Variants in TRAP1 observed in about 807,000 individuals in gnomAD.
The protein encoded by TRAP1 is TNF receptor associated protein 1.
TRAP1 carries 102 observed loss-of-function variants against 89.1 expected under a neutral mutation model. The observed-to-expected ratio is 1.15, with a 90% CI of 0.98 to 1.35. TRAP1 has a LOEUF of 1.35. TRAP1 is among the 40% of genes most tolerant of loss of function. The probability of loss-of-function intolerance (pLI) is 0.00; values close to 1 mark genes in which losing one functional copy is unlikely to be tolerated. For missense variants in TRAP1, 1,256 were observed against 945.3 expected (o/e 1.33, Z -4.31); for synonymous variants, 508 against 388.0 (o/e 1.31, Z -3.64).
At chr16:3,709,508 G>A (rs908968835) in intron 1 of TRAP1, among the ~76,000 whole-genome samples, 1 of 152,192 alleles carries the variant, frequency 6.6e-6, no homozygotes, top group African/African-American at 2.4e-5. Flanking sequence ...CGCCATGAGA[G>A]GGTTACATAA....
chr16:3,682,952 C>T (rs578080596), intron 4 of TRAP1, among the ~76,000 whole-genome samples: 69 of 151,962 alleles, frequency 4.5e-4, no homozygotes, highest in African/African-American at 1.4e-3. Context: ...GCAGATCACA[C>T]GAGGCCGGGA....
Sources: allele counts gnomAD v4.1 joint callset (sites outside exome capture counted in the v4.1 genomes callset), GRCh38; gene constraint gnomAD v4.1.1; transcripts MANE v1.5; gene names NCBI Gene and HGNC (gene_info 2026-07-23, HGNC 2026-07-21).